The following MSR1 variants were observed in gnomAD, a reference collection of about 807,000 sequenced individuals.
The protein encoded by MSR1 is macrophage scavenger receptor types I and II.
In MSR1, 53 loss-of-function variants were observed where a neutral mutation model predicts 47.2. The observed-to-expected ratio is 1.12, with a 90% CI of 0.90 to 1.41. The LOEUF (loss-of-function observed/expected upper bound fraction) is 1.41, where lower values mean the gene tolerates loss of function less well. Among genes scored for constraint, MSR1 ranks in the 40% most tolerant of loss-of-function variants. MSR1 has a pLI of 0.00. For synonymous variants in MSR1, 239 were observed against 185.6 expected, an observed-to-expected ratio of 1.29 and a Z score of -2.34; for missense variants, 786 against 546.9, an observed-to-expected ratio of 1.44 and a Z score of -4.36.
intron 6 of MSR1, among the ~76,000 whole-genome samples, chr8:16,151,954 G>T (rs1178308851): frequency 6.6e-6 from 1 of 151,990 alleles, no homozygotes; most frequent in Non-Finnish European, 1.5e-5. Flanking sequence ...CTGTAAAATG[G>T]GTGTATTATT....
chr8:16,147,631 C>G (rs926135441), intron 7 of MSR1, among the ~76,000 whole-genome samples: 1 of 152,076 alleles, frequency 6.6e-6, no homozygotes, highest in Non-Finnish European at 1.5e-5. Flanking sequence ...TGACAATTAT[C>G]GGACTTATTT....
intron 3 of MSR1, among the ~76,000 whole-genome samples, chr8:16,171,897 G>T (rs73665247): frequency 0.047 from 7,202 of 152,134 alleles, 499 homozygotes; most frequent in African/African-American, 0.15. Flanking sequence ...TATAAATGGG[G>T]TACTAATAGT....
intron 1 of MSR1, among the ~76,000 whole-genome samples, chr8:16,189,208 T>C (rs1026977616): frequency 1.4e-5 from 2 of 142,870 alleles, no homozygotes; most frequent in African/African-American, 5.1e-5. Flanking sequence ...TTATTTTATA[T>C]ATATTTCATA....
chr8:16,116,634 T>C (rs1799881840), intron 9 of MSR1, among the ~76,000 whole-genome samples: 1 of 152,180 alleles, frequency 6.6e-6, no homozygotes, highest in Admixed American at 6.5e-5. Flanking sequence ...AGTATACTTA[T>C]TATCTTCCTT....
At chr8:16,119,585 C>A (rs576579277) in intron 9 of MSR1, among the ~76,000 whole-genome samples, 1 of 152,172 alleles carries the variant, frequency 6.6e-6, no homozygotes, top group Non-Finnish European at 1.5e-5. Flanking sequence ...CTATTATTAA[C>A]GCTATGCAGG....
intron 5 of MSR1, among the ~76,000 whole-genome samples, chr8:16,159,047 T>C (rs1801089944): frequency 6.6e-6 from 1 of 150,912 alleles, no homozygotes; most frequent in Non-Finnish European, 1.5e-5. Flanking sequence ...TGGAATTATA[T>C]TGTCTCAGCC....
chr8:16,175,174 T>G lies in MSR1; in HGVS notation c.217+13A>C. ...GACGAGTTACTAAATTTCAAAACTC[T>G]GGGTTACGTTACCTGCCACTATTCC... On this transcript the variant is annotated intron_variant, in intron 3 of 9. Transcript: ENST00000262101. The G allele has an allele frequency of 6.2e-7, 1 of 1,608,570 alleles. No individual in the cohort carries two copies. Among genetic ancestry groups the G allele is most frequent in the East Asian group, 2.2e-5 (1 of 44,818 alleles).
chr8:16,185,919 C>T (rs1223981256), intron 1 of MSR1, among the ~76,000 whole-genome samples: 2 of 149,372 alleles, frequency 1.3e-5, no homozygotes, highest in Non-Finnish European at 3.0e-5. Context: ...AGGAAGAAGA[C>T]TCAGCACAAA....
At chr8:16,186,559 T>C (rs771368989) in intron 1 of MSR1, among the ~76,000 whole-genome samples, 3 of 152,094 alleles carry the variant, frequency 2.0e-5, no homozygotes, top group African/African-American at 4.8e-5. Context: ...TCAAACGCTA[T>C]GTAGAAACTG....
intron 1 of MSR1, among the ~76,000 whole-genome samples, chr8:16,189,405 TTATA>T (rs1295109206): frequency 9.6e-6 from 1 of 103,724 alleles, no homozygotes; most frequent in Non-Finnish European, 1.6e-5. Flanking sequence ...TATATATATT[TTATA>T]TATATTTTAT....
intron 5 of MSR1, among the ~76,000 whole-genome samples, chr8:16,163,750 T>C (rs1394302600): frequency 6.6e-6 from 1 of 151,818 alleles, no homozygotes; most frequent in Non-Finnish European, 1.5e-5. Context: ...AAGCTTGGTT[T>C]GTGAACATGT....
At chr8:16,189,487 A>T (rs865832038) in intron 1 of MSR1, among the ~76,000 whole-genome samples, 1 of 73,730 alleles carries the variant, frequency 1.4e-5, no homozygotes, top group African/African-American at 6.9e-5. Context: ...TTTATATATA[A>T]AATCTTATTT....
At chr8:16,172,254 C>A (rs1801506953) in intron 3 of MSR1, among the ~76,000 whole-genome samples, 1 of 151,888 alleles carries the variant, frequency 6.6e-6, no homozygotes. Flanking sequence ...AAAGAGAAGC[C>A]CCAATGTGAC....
chr8:16,171,642 A>G (rs1007898937), intron 3 of MSR1, among the ~76,000 whole-genome samples: 1 of 152,206 alleles, frequency 6.6e-6, no homozygotes, highest in Admixed American at 6.5e-5. Flanking sequence ...TCTGGGAATA[A>G]AAGAACAATT....
chr8:16,154,546 ATTAGT>A (rs1800946276), intron 6 of MSR1, among the ~76,000 whole-genome samples: 2 of 152,104 alleles, frequency 1.3e-5, no homozygotes. Context: ...TTCAGATTTC[ATTAGT>A]TTAAACAGAT....
In MSR1 at chr8:16,111,092, G is replaced by T. The variant is rs34936675; in HGVS notation, c.1223-874C>A. 3.4e-4 allele frequency among the ~76,000 whole-genome samples: 51 copies of T among 152,216 alleles called. No homozygotes were observed. In the East Asian group the frequency reaches 8.5e-3, roughly 25 times the overall value. Reference sequence around the variant, plus strand: ...ATGGCATGTTTCCTATTGTGTTTGTGATTGTATGTGTGAGCATGTTTGTAT... The same window carrying T: ...ATGGCATGTTTCCTATTGTGTTTGTTATTGTATGTGTGAGCATGTTTGTAT... On this transcript the variant is annotated intron_variant, in intron 9 of 9. Coordinates refer to ENST00000262101, the MANE Select transcript of MSR1 (RefSeq NM_138715.3).
At chr8:16,169,938 T>G (rs992433947) in intron 3 of MSR1, among the ~76,000 whole-genome samples, 7 of 152,198 alleles carry the variant, frequency 4.6e-5, no homozygotes, top group Admixed American at 3.3e-4. Flanking sequence ...ACTGAGCTGC[T>G]GATAGATATC....
chr8:16,135,270 T>C (rs1413609968), intron 8 of MSR1, among the ~76,000 whole-genome samples: 2 of 152,184 alleles, frequency 1.3e-5, no homozygotes, highest in Non-Finnish European at 2.9e-5. Flanking sequence ...TAGGGGCTAA[T>C]GCAGCCAGTG....
At chr8:16,118,114 A>G (rs1245784570) in intron 9 of MSR1, among the ~76,000 whole-genome samples, 4 of 152,090 alleles carry the variant, frequency 2.6e-5, no homozygotes, top group African/African-American at 9.7e-5. Flanking sequence ...GTATTTTAGG[A>G]TACTTTTCTT....
Sources: allele counts gnomAD v4.1 joint callset (sites outside exome capture counted in the v4.1 genomes callset), GRCh38; gene constraint gnomAD v4.1.1; transcripts MANE v1.5; gene names NCBI Gene and HGNC (gene_info 2026-07-23, HGNC 2026-07-21).